AKAP12: variants seen among roughly 807,000 people sequenced by gnomAD.
The protein encoded by AKAP12 is A-kinase anchoring protein 12.
Under a neutral mutation model 79.9 loss-of-function variants are expected in AKAP12, and 32 were observed. The ratio of observed to expected loss-of-function variants is 0.40; its 90% CI spans 0.30 to 0.54. The LOEUF is 0.54. AKAP12 is among the 20% of genes least tolerant of loss of function. AKAP12 has a pLI of 0.48. For missense variants in AKAP12, 2,074 were observed against 2,177.0 expected (o/e 0.95, Z 0.94); for synonymous variants, 808 against 857.0 (o/e 0.94, Z 1.00).
chr6:151,348,991 T>C lies in AKAP12; in HGVS notation c.600T>C (p.Thr200=). 2 of 1,613,736 alleles carry C rather than the reference T, an allele frequency of 1.2e-6. No homozygotes were observed. Among genetic ancestry groups the C allele is most frequent in the Non-Finnish European group, 1.7e-6 (2 of 1,179,922 alleles). ...TEKPDTVQLL[T]VKKDEGEGAA... is the part of the protein sequence containing the mutation. ...AGCCTGACACTGTCCAGCTACTCAC[T>C]GTGAAGAAAGATGAAGGGGAGGGAG... Residue 200 remains threonine (T), a synonymous_variant, in exon 4 of 5, where the codon ACT becomes ACC. Transcript: ENST00000402676.
chr6:151,240,517 G>C lies in AKAP12; in HGVS notation c.-46G>C. 5 of 1,391,030 alleles carry C rather than the reference G, an allele frequency of 3.6e-6. No homozygotes were observed. The highest frequency in any genetic ancestry group is 4.6e-6 in the Non-Finnish European group (5 of 1,079,826). 86.2% of individuals were successfully genotyped at this position (1,391,030 alleles called of 1,614,324 possible). A position where few individuals can be genotyped will look rare whatever the true frequency, so the allele number is the denominator to read the frequency against. On this transcript the variant is annotated 5_prime_UTR_variant, in exon 2 of 5. Transcript: ENST00000402676. The stretch of plus-strand genomic sequence containing the variant: ...CTTGCCCCTGTCCCTGCGGCTTGGG[G>C]AAGGCGTAACCCGGCGGCTAGGCGC...
intron 2 of AKAP12, among the ~76,000 whole-genome samples, chr6:151,249,071 G>A (rs554603160): frequency 1.3e-5 from 2 of 152,028 alleles, no homozygotes; most frequent in African/African-American, 4.8e-5. Flanking sequence ...TGAAATGCCC[G>A]TATCCCTACT....
intron 2 of AKAP12, among the ~76,000 whole-genome samples, chr6:151,244,665 A>C (rs1352089847): frequency 6.6e-6 from 1 of 152,230 alleles, no homozygotes; most frequent in Non-Finnish European, 1.5e-5. Context: ...AAGTGACTAC[A>C]TCACCAGTGT....
chr6:151,323,852 G>C, intron 3 of AKAP12: 1 of 985,420 alleles, frequency 1.0e-6, no homozygotes. Context: ...TGATAGCCTT[G>C]TGTTGTCCCC....
At chr6:151,262,901 T>C (rs75366239) in intron 2 of AKAP12, among the ~76,000 whole-genome samples, 1 of 152,186 alleles carries the variant, frequency 6.6e-6, no homozygotes, top group Non-Finnish European at 1.5e-5. Flanking sequence ...AGAGAGACAT[T>C]CTACAACTTC....
Position 151,348,953 on chromosome 6 carries a change from G to A in AKAP12, c.562G>A (p.Asp188Asn). 1 of 1,614,088 alleles carries A rather than the reference G, an allele frequency of 6.2e-7. No homozygotes were observed. The highest frequency in any genetic ancestry group is 8.5e-7 in the Non-Finnish European group (1 of 1,180,032). Residue 188 changes from aspartate (D) to asparagine (N), a missense_variant, in exon 4 of 5, where the codon GAT (aspartate) becomes AAT (asparagine). Asp to Asn is a conservative substitution (Grantham distance 23, BLOSUM62 1). Around this residue, in one of 3 missense-constraint regions of AKAP12, gnomAD observed 1,428 missense variants for 1,451.0 expected, o/e 0.98. Coordinates refer to ENST00000402676, the MANE Select transcript of AKAP12 (RefSeq NM_005100.4). ...FVGFKFTVKK[D>N]KTEKPDTVQL... ...TGGCTTTAAATTCACTGTGAAAAAG[G>A]ATAAGACAGAGAAGCCTGACACTGT...
chr6:151,310,086 G>C (rs1004099100), intron 3 of AKAP12, among the ~76,000 whole-genome samples: 1 of 152,152 alleles, frequency 6.6e-6, no homozygotes, highest in Non-Finnish European at 1.5e-5. Context: ...CAAGAGCCTG[G>C]GTGCAGTGGC....
intron 2 of AKAP12, among the ~76,000 whole-genome samples, chr6:151,273,457 A>G (rs1776231127): frequency 6.6e-6 from 1 of 152,172 alleles, no homozygotes; most frequent in African/African-American, 2.4e-5. Flanking sequence ...CGCGTAAATC[A>G]CTGTGAAATG....
rs552860191 is a variant in AKAP12, at chr6:151,355,904, G to T, written c.*190G>T. ...AATCCTGAGGCTTCATCAGGAGCTA[G>T]AGCCATTTAACATTTCCTCTTTCCA... On this transcript the variant is annotated 3_prime_UTR_variant, in exon 5 of 5. Coordinates refer to ENST00000402676, the MANE Select transcript of AKAP12 (RefSeq NM_005100.4). 1 of 152,726 alleles carries T rather than the reference G, an allele frequency of 6.5e-6. No homozygotes were observed. The highest frequency in any genetic ancestry group is 6.5e-5 in the Admixed American group (1 of 15,294). 9.5% of individuals were successfully genotyped at this position (152,726 alleles called of 1,614,324 possible).
chr6:151,347,340 A>G (rs1409460805), intron 3 of AKAP12, among the ~76,000 whole-genome samples: 2 of 152,226 alleles, frequency 1.3e-5, no homozygotes, highest in African/African-American at 4.8e-5. Flanking sequence ...CCCCTTCTTT[A>G]GATTTGTGTA....
intron 3 of AKAP12, among the ~76,000 whole-genome samples, chr6:151,337,519 A>AG (rs1777847180): frequency 6.9e-6 from 1 of 144,484 alleles, no homozygotes; most frequent in South Asian, 2.3e-4. Context: ...CTCGAAAAAA[A>AG]AAAAAAAAGA....
chr6:151,348,771 A>C lies in AKAP12; in HGVS notation c.380A>C (p.Lys127Thr). 6.2e-7 allele frequency: 1 copy of C among 1,608,982 alleles called. No individual in the cohort carries two copies. The change falls in exon 4 of 5, where the codon AAG (lysine) becomes ACG (threonine). Residue 127 changes from lysine to threonine, a missense_variant. This residue lies in a region of AKAP12 where 1,428 missense variants were observed against 1,451.0 expected (regional missense o/e 0.98). Transcript: ENST00000402676. ...GACTCCGATAAAGAGATGGCTACTA[A>C]GTCAGCGGTTGTTCACGACATCACA... Reference protein sequence around the residue: ...KRDSDKEMATKSAVVHDITDD... With the variant: ...KRDSDKEMATTSAVVHDITDD...
intron 2 of AKAP12, among the ~76,000 whole-genome samples, chr6:151,259,491 C>CACACAT (rs1554319991): frequency 1.4e-5 from 2 of 139,482 alleles, no homozygotes; most frequent in African/African-American, 5.5e-5. Flanking sequence ...TATACACACA[C>CACACAT]ATATACATGT....
At chr6:151,332,035 T>TGTTTTTG (rs1448624184) in intron 3 of AKAP12, among the ~76,000 whole-genome samples, 872 of 63,288 alleles carry the variant, frequency 0.014, 42 homozygotes, top group Middle Eastern at 0.028. Context: ...CTGGGTCTGT[T>TGTTTTTG]TTTTTTTTTT....
intron 3 of AKAP12, among the ~76,000 whole-genome samples, chr6:151,334,010 C>G (rs1410527444): frequency 6.6e-6 from 1 of 152,000 alleles, no homozygotes; most frequent in Non-Finnish European, 1.5e-5. Context: ...TGGCTTATGT[C>G]TGTAATCCCA....
intron 3 of AKAP12, among the ~76,000 whole-genome samples, chr6:151,318,827 C>T (rs1777294825): frequency 6.6e-6 from 1 of 152,092 alleles, no homozygotes; most frequent in African/African-American, 2.4e-5. Context: ...CCTGTAGTTC[C>T]AGCTACTCCA....
At chr6:151,355,654 C>T (rs757948241) in intron 4 of AKAP12, 73 bp from the exon 5 acceptor site, 3 of 152,508 alleles carry the variant, frequency 2.0e-5, no homozygotes, top group Non-Finnish European at 4.4e-5. Context: ...GTCACTTTGA[C>T]AACTATCCTG....
At chr6:151,323,695 T>C in intron 3 of AKAP12, 1 of 985,228 alleles carries the variant, frequency 1.0e-6, no homozygotes, top group Non-Finnish European at 1.2e-6. Flanking sequence ...TAGTGACATT[T>C]TGTGTGTTTT....
rs1028839096 is a variant in AKAP12, at chr6:151,356,283, C to T, written c.*569C>T. 6.6e-6 allele frequency: 1 copy of T among 152,610 alleles called. No homozygotes were observed. The highest frequency in any genetic ancestry group is 2.4e-5 in the African/African-American group (1 of 41,452). 9.5% of individuals were successfully genotyped at this position (152,610 alleles called of 1,614,324 possible). On this transcript the variant is annotated 3_prime_UTR_variant, in exon 5 of 5. Coordinates refer to ENST00000402676, the MANE Select transcript of AKAP12 (RefSeq NM_005100.4). ...TCAAGGTACAATTCTTTAAAATTCACTAATGATTGAGGTCCATATTTAGTG... is the reference window on the plus strand; with the variant it reads ...TCAAGGTACAATTCTTTAAAATTCATTAATGATTGAGGTCCATATTTAGTG...
Sources: allele counts gnomAD v4.1 joint callset (sites outside exome capture counted in the v4.1 genomes callset), GRCh38; gene constraint gnomAD v4.1.1; regional missense constraint gnomAD v4.1.1; transcripts MANE v1.5; gene names NCBI Gene and HGNC (gene_info 2026-07-23, HGNC 2026-07-21).